DHX36: variants seen among roughly 807,000 people sequenced by gnomAD.
DHX36 encodes the protein ATP-dependent DNA/RNA helicase DHX36.
DHX36 carries 50 observed loss-of-function variants against 139.0 expected under a neutral mutation model. The ratio of observed to expected loss-of-function variants is 0.36; its 90% confidence interval spans 0.29 to 0.46. The LOEUF is 0.46. Ranked by LOEUF, DHX36 falls within the 20% of genes least tolerant of loss-of-function variation. The pLI, the probability that DHX36 is intolerant of heterozygous loss-of-function variation, is 1.00. For missense variants in DHX36, 1,024 were observed against 1,211.3 expected (o/e 0.85, Z 2.29); for synonymous variants, 425 against 401.9 (o/e 1.06, Z -0.69).
chr3:154,319,361 C>A (rs1713104044), intron 1 of DHX36: 1 of 152,130 alleles, frequency 6.6e-6, no homozygotes, highest in Non-Finnish European at 1.5e-5. Flanking sequence ...TCTGCAACTA[C>A]TTCACACTGT....
intron 1 of DHX36, among the ~76,000 whole-genome samples, chr3:154,321,422 T>G (rs1713180874): frequency 6.6e-6 from 1 of 152,228 alleles, no homozygotes; most frequent in Admixed American, 6.5e-5. Flanking sequence ...CTTTCAAGTT[T>G]CAACTTAAGG....
At chr3:154,300,450 T>C in intron 11 of DHX36, 144 bp downstream of exon 11, 1 of 654,454 alleles carries the variant, frequency 1.5e-6, no homozygotes, top group Non-Finnish European at 2.6e-6. Context: ...CTAAATCTTT[T>C]GCTACTATGA....
At position 154,289,792 on chromosome 3, in the gene DHX36, CA is replaced by C. The variant is rs1711709625; in HGVS notation, c.1848del (p.Asn616LysfsTer8). 1 of 1,610,980 alleles carries C rather than the reference CA, an allele frequency of 6.2e-7. No individual in the cohort carries two copies. The highest frequency in any genetic ancestry group is 1.7e-5 in the Admixed American group (1 of 59,840). ...VQPGHCYHLY[N>X]GLRASLLDDY... ...TCATCTAGAAGACTTGCTCTAAGAC[CA>C]TTATACAGATGATAGCAATGACCAG... On this transcript the variant is annotated frameshift_variant, in exon 16 of 25. Transcript: ENST00000496811. LOFTEE classifies it high-confidence loss of function.
chr3:154,320,785 A>G (rs1713159607), intron 1 of DHX36, among the ~76,000 whole-genome samples: 1 of 152,146 alleles, frequency 6.6e-6, no homozygotes, highest in South Asian at 2.1e-4. Flanking sequence ...TCCACTGCCA[A>G]CGTGCTAATT....
intron 1 of DHX36, among the ~76,000 whole-genome samples, chr3:154,320,277 G>A (rs1352838096): frequency 6.6e-6 from 1 of 151,752 alleles, no homozygotes; most frequent in African/African-American, 2.4e-5. Context: ...TTCATTTTCC[G>A]TATTTGACAG....
intron 1 of DHX36, among the ~76,000 whole-genome samples, chr3:154,318,264 G>A (rs1311389577): frequency 6.6e-6 from 1 of 152,088 alleles, no homozygotes; most frequent in African/African-American, 2.4e-5. Context: ...AAGTGAAAAT[G>A]AGTGGCTAAT....
At chr3:154,318,018 C>T (rs749537729) in intron 1 of DHX36, among the ~76,000 whole-genome samples, 9 of 152,030 alleles carry the variant, frequency 5.9e-5, no homozygotes, top group Non-Finnish European at 7.4e-5. Context: ...AGTTTGAAAA[C>T]CCAGGGTGGG....
intron 5 of DHX36, among the ~76,000 whole-genome samples, chr3:154,309,130 C>G (rs1346637608): frequency 6.6e-6 from 1 of 151,914 alleles, no homozygotes; most frequent in Non-Finnish European, 1.5e-5. Context: ...TGAGGCTGCA[C>G]TGAGCCGTGT....
At position 154,301,057 on chromosome 3, in the gene DHX36, G is replaced by A; in HGVS notation, c.1288C>T (p.Gln430Ter). 6.2e-7 allele frequency: 1 copy of A among 1,612,902 alleles called. No individual in the cohort carries two copies. The highest frequency in any genetic ancestry group is 8.5e-7 in the Non-Finnish European group (1 of 1,179,708). Residue 430 changes from glutamine (Q) to a stop codon, truncating the protein, a stop_gained, in exon 10 of 25, where the codon CAA becomes TAA. Transcript: ENST00000496811. LOFTEE classifies it high-confidence loss of function. ...ATTGCTTCTTTTTCTTCTTTTTCTTGTCTATTTACATGCCCTTGCATGAAA... is the reference window on the plus strand; with the variant it reads ...ATTGCTTCTTTTTCTTCTTTTTCTTATCTATTTACATGCCCTTGCATGAAA... ...RGFMQGHVNR[Q>*]EKEEKEAIYK...
rs1719115390 is a variant in DHX36 at position 154,275,382 on chromosome 3, CCA to C, written c.*787_*788del. 1 of 151,804 alleles carries C rather than the reference CCA, an allele frequency of 6.6e-6. No individual in the cohort carries two copies. Among genetic ancestry groups the C allele is most frequent in the Non-Finnish European group, 1.5e-5 (1 of 67,924 alleles). 9.4% of individuals were successfully genotyped at this position (151,804 alleles called of 1,614,324 possible). A position where few individuals can be genotyped will look rare whatever the true frequency, so the allele number is the denominator to read the frequency against. On this transcript the variant is annotated 3_prime_UTR_variant, in exon 25 of 25. Transcript: ENST00000496811. Reference sequence around the variant, plus strand: ...ATAGACACAACCATCCTTTTTTTCCCCAAATATCTTCTATCCACAGTTGTTTG... The same window carrying C: ...ATAGACACAACCATCCTTTTTTTCCCAATATCTTCTATCCACAGTTGTTTG...
At chr3:154,318,141 A>AT (rs1479601489) in intron 1 of DHX36, among the ~76,000 whole-genome samples, 6 of 152,150 alleles carry the variant, frequency 3.9e-5, no homozygotes, top group Admixed American at 2.6e-4. Flanking sequence ...GAAAGCTCAA[A>AT]TAAGTTTACA....
At chr3:154,293,605 C>T (rs761848988) in intron 14 of DHX36, 143 bp downstream of exon 14, 10 of 587,602 alleles carry the variant, frequency 1.7e-5, no homozygotes, top group Non-Finnish European at 2.7e-5. Flanking sequence ...AAAAATAAAA[C>T]TATGCTCACT....
At position 154,274,914 on chromosome 3, in the gene DHX36, G is replaced by C. The variant is rs1189668905; in HGVS notation, c.*1257C>G. 1 of 152,192 alleles carries C rather than the reference G, an allele frequency of 6.6e-6. No individual in the cohort carries two copies. The highest frequency in any genetic ancestry group is 1.5e-5 in the Non-Finnish European group (1 of 68,044). The allele number at this position is 152,192 out of a possible 1,614,324, so 9.4% of individuals were successfully genotyped here. A position where few individuals can be genotyped will look rare whatever the true frequency, so the allele number is the denominator to read the frequency against. On this transcript the variant is annotated 3_prime_UTR_variant, in exon 25 of 25. Coordinates refer to ENST00000496811, the MANE Select transcript of DHX36 (RefSeq NM_020865.3). ...AATCTGATAGGGCTGAAAATGTACA[G>C]CATGTGTTGTTACACTATTCCTTGG...
rs759751451 is a variant in DHX36, at chr3:154,324,340, G to C, written c.77C>G (p.Pro26Arg). 1 of 1,605,304 alleles carries C rather than the reference G, an allele frequency of 6.2e-7. No homozygotes were observed. Among genetic ancestry groups the C allele is most frequent in the South Asian group, 1.1e-5 (1 of 89,730 alleles). ...RSSGGGYGGGPAGGHGGNRGS... is the reference protein window; with the variant it reads ...RSSGGGYGGGRAGGHGGNRGS... ...TCGGTTACCTCCATGACCCCCTGCT[G>C]GCCCCCCTCCATAGCCCCCACCGGA... Residue 26 changes from proline (P) to arginine (R), a missense_variant, in exon 1 of 25, where the codon CCA becomes CGA. Coordinates refer to ENST00000496811, the MANE Select transcript of DHX36 (RefSeq NM_020865.3).
chr3:154,299,731 T>C (rs1335096691), intron 12 of DHX36, 107 bp downstream of exon 12: 1 of 801,516 alleles, frequency 1.2e-6, no homozygotes, highest in Non-Finnish European at 2.2e-6. Flanking sequence ...CACCTTCATC[T>C]GTGACCTAGT....
At chr3:154,312,552 G>GA (rs1280335445) in intron 3 of DHX36, among the ~76,000 whole-genome samples, 7 of 151,720 alleles carry the variant, frequency 4.6e-5, no homozygotes, top group Non-Finnish European at 1.0e-4. Flanking sequence ...TATTAAGATG[G>GA]AAAAAATCGG....
Position 154,273,042 on chromosome 3 carries a change from CTT to C in DHX36, c.*3127_*3128del, listed in dbSNP as rs1001242214. 1 of 151,044 alleles carries C rather than the reference CTT, an allele frequency of 6.6e-6. No homozygotes were observed. The highest frequency in any genetic ancestry group is 2.4e-5 in the African/African-American group (1 of 41,112). The allele number at this position is 151,044 out of a possible 1,614,324, so 9.4% of individuals were successfully genotyped here. A position where few individuals can be genotyped will look rare whatever the true frequency, so the allele number is the denominator to read the frequency against. ...GAAAGATTATTCAGTAGTTTAATTT[CTT>C]TTGTTTTTTTCCTGAAAGTTTCTGT... is the stretch of plus-strand genomic sequence containing the variant. On this transcript the variant is annotated 3_prime_UTR_variant, in exon 25 of 25. Coordinates refer to ENST00000496811, the MANE Select transcript of DHX36 (RefSeq NM_020865.3).
At chr3:154,319,388 A>G (rs1713105221) in intron 1 of DHX36, 1 of 152,114 alleles carries the variant, frequency 6.6e-6, no homozygotes. Flanking sequence ...ATTCTCTGTA[A>G]CAGGCCAATA....
At chr3:154,280,730 A>G in intron 21 of DHX36, 33 bp downstream of exon 21, 4 of 1,606,256 alleles carry the variant, frequency 2.5e-6, no homozygotes, top group Non-Finnish European at 3.4e-6. Flanking sequence ...AATAGACAAA[A>G]GATACTTATT....
Sources: allele counts gnomAD v4.1 joint callset (sites outside exome capture counted in the v4.1 genomes callset), GRCh38; gene constraint gnomAD v4.1.1; transcripts MANE v1.5; gene names NCBI Gene and HGNC (gene_info 2026-07-23, HGNC 2026-07-21).